PTPRS: variants seen among roughly 807,000 people sequenced by gnomAD.
The protein encoded by PTPRS is receptor-type tyrosine-protein phosphatase S.
In PTPRS, 63 loss-of-function variants were observed where a neutral mutation model predicts 215.3. The ratio of observed to expected loss-of-function variants is 0.29; its 90% CI spans 0.24 to 0.36. The LOEUF (loss-of-function observed/expected upper bound fraction) is 0.36. PTPRS is among the 10% of genes least tolerant of loss of function. PTPRS has a pLI of 1.00. For synonymous variants in PTPRS, 1,404 were observed against 1,191.4 expected (o/e 1.18, Z -3.68); for missense variants, 2,258 against 2,825.8 (o/e 0.80, Z 4.56).
At chr19:5,239,222 G>A (rs1287393963) in intron 12 of PTPRS, among the ~76,000 whole-genome samples, 159 bp from the exon 13 acceptor site, 1 of 151,490 alleles carries the variant, frequency 6.6e-6, no homozygotes, top group Non-Finnish European at 1.5e-5. Context: ...GGCAGAGAGG[G>A]ACAGAGAGGG....
chr19:5,219,968 C>T lies in PTPRS; in HGVS notation c.3736G>A (p.Val1246Met). 1.2e-6 allele frequency: 2 copies of T among 1,613,896 alleles called. No individual in the cohort carries two copies. Among genetic ancestry groups the T allele is most frequent in the South Asian group, 1.1e-5 (1 of 91,084 alleles). ...TCGCTCTTCTGAAGCACGGCAAGCA[C>T]GAAGAGGACATAGCGGTGGCCGGGC... ...LEPGHRYVLF[V>M]LAVLQKSEPT... The change falls in exon 22 of 38, where the codon GTG becomes ATG. Residue 1246 changes from valine to methionine, a missense_variant. Coordinates refer to ENST00000262963, the MANE Select transcript of PTPRS (RefSeq NM_002850.4).
At chr19:5,260,463 A>T (rs1349353653) in intron 7 of PTPRS, among the ~76,000 whole-genome samples, 2 of 152,110 alleles carry the variant, frequency 1.3e-5, no homozygotes, top group African/African-American at 4.8e-5. Flanking sequence ...TACAGGCGTG[A>T]ACCACCGCGC....
At chr19:5,288,539 C>G (rs1049520399) in intron 1 of PTPRS, among the ~76,000 whole-genome samples, 2 of 152,218 alleles carry the variant, frequency 1.3e-5, no homozygotes, top group African/African-American at 4.8e-5. Flanking sequence ...GAGAAAACAG[C>G]CTGTGGCCAG....
intron 4 of PTPRS, among the ~76,000 whole-genome samples, chr19:5,270,393 C>T (rs1056774350): frequency 6.6e-6 from 1 of 150,484 alleles, no homozygotes; most frequent in African/African-American, 2.4e-5. Flanking sequence ...GAGGCTCAGG[C>T]GATCCTCCTG....
At position 5,237,864 on chromosome 19, in the gene PTPRS, G is replaced by A. The variant is rs2043610482; in HGVS notation, c.1849+1055C>T. On this transcript the variant is annotated intron_variant, in intron 13 of 37. Coordinates refer to ENST00000262963, the MANE Select transcript of PTPRS (RefSeq NM_002850.4). This position sits in a 1 kb window ranked among gnomAD's most constrained non-coding sequence, Gnocchi z 4.2. ...GAAGGGGGCCGGCGGGGGCAGGGGG[G>A]TTGTGTCTCCGAGGCGCCCCACCCC... Among the ~76,000 whole-genome samples the A allele has an allele frequency of 6.6e-6, 1 of 152,040 alleles. No individual in the cohort carries two copies. Among genetic ancestry groups the A allele is most frequent in the Non-Finnish European group, 1.5e-5 (1 of 68,004 alleles).
At chr19:5,334,525 C>A (rs1281503252) in intron 1 of PTPRS, among the ~76,000 whole-genome samples, 2 of 152,216 alleles carry the variant, frequency 1.3e-5, no homozygotes, top group Non-Finnish European at 2.9e-5. Flanking sequence ...ACACAGCCAA[C>A]AAGTCGGCAG....
chr19:5,307,771 C>T (rs192353324), intron 1 of PTPRS, among the ~76,000 whole-genome samples: 4 of 152,340 alleles, frequency 2.6e-5, no homozygotes, highest in Admixed American at 1.3e-4. Flanking sequence ...CGGCTCAGGG[C>T]GACTGTACCA....
Position 5,244,040 on chromosome 19 carries a change from C to T in PTPRS, c.1431G>A (p.Lys477=). 6.2e-7 allele frequency: 1 copy of T among 1,610,018 alleles called. No homozygotes were observed. Among genetic ancestry groups the T allele is most frequent in the Non-Finnish European group, 8.5e-7 (1 of 1,179,932 alleles). Reference sequence around the variant, plus strand: ...TCAGCAGGCTGTCGTCCACGTTGTGCTTCTGCCAGTTGCCCACGGGGTGCT... The same window carrying T: ...TCAGCAGGCTGTCGTCCACGTTGTGTTTCTGCCAGTTGCCCACGGGGTGCT... ...EPEHPVGNWQ[K]HNVDDSLLTT... Residue 477 remains lysine, a synonymous_variant, in exon 11 of 38, where the codon AAG becomes AAA. Transcript: ENST00000262963. This position sits in a 1 kb window ranked among gnomAD's most constrained non-coding sequence, Gnocchi z 7.2.
intron 13 of PTPRS, among the ~76,000 whole-genome samples, chr19:5,235,131 G>C (rs748439874): frequency 1.3e-5 from 2 of 151,872 alleles, no homozygotes; most frequent in African/African-American, 2.4e-5. Context: ...TAGGGGAGAC[G>C]GATTTTCACC....
chr19:5,232,910 C>T (rs549798829), intron 13 of PTPRS, among the ~76,000 whole-genome samples: 21 of 149,306 alleles, frequency 1.4e-4, no homozygotes, highest in African/African-American at 4.0e-4. Context: ...AAGGGCTTCA[C>T]AAAATAACAG....
In PTPRS at chr19:5,339,607, C is replaced by T. The variant is rs375256724; in HGVS notation, c.-95+1057G>A. Among the ~76,000 whole-genome samples, 18 of 152,066 alleles carry T rather than the reference C, an allele frequency of 1.2e-4. No individual in the cohort carries two copies. The East Asian group carries it at 1.8e-3, about 15-fold the overall frequency. The stretch of plus-strand genomic sequence containing the variant: ...AGGATCTTAATTTTAGGAGAGATTC[C>T]CATAAAGAGAGGTGAACTTGGCCGC... On this transcript the variant is annotated intron_variant, in intron 1 of 37. Transcript: ENST00000262963. This position sits in a 1 kb window ranked among gnomAD's most constrained non-coding sequence, Gnocchi z 4.2.
intron 7 of PTPRS, among the ~76,000 whole-genome samples, chr19:5,260,563 G>A (rs932646414): frequency 6.6e-5 from 10 of 152,346 alleles, no homozygotes; most frequent in East Asian, 3.9e-4. Context: ...TTCCCAGAGG[G>A]GGAGAGAGCG....
chr19:5,302,536 T>C (rs912927021), intron 1 of PTPRS, among the ~76,000 whole-genome samples: 2 of 152,206 alleles, frequency 1.3e-5, no homozygotes, highest in African/African-American at 4.8e-5. Context: ...TATCCCATGG[T>C]CGCTGGATAC....
intron 23 of PTPRS, 90 bp downstream of exon 23, chr19:5,219,220 T>C (rs1010394290): frequency 6.6e-7 from 1 of 1,525,314 alleles, no homozygotes; most frequent in African/African-American, 1.4e-5. Flanking sequence ...ACAGAGACCT[T>C]TAGTGATGAT....
intron 2 of PTPRS, among the ~76,000 whole-genome samples, chr19:5,275,812 C>CA (rs2047314600): frequency 6.6e-6 from 1 of 151,710 alleles, no homozygotes; most frequent in South Asian, 2.1e-4. Context: ...TCTCAAAAAA[C>CA]AAAAACAAAA....
chr19:5,258,195 C>T lies in PTPRS; in HGVS notation c.596-68G>A, dbSNP rs745850856. 4.6e-6 allele frequency: 6 copies of T among 1,317,608 alleles called. No individual in the cohort carries two copies. The African/African-American group carries it at 8.7e-5, about 19-fold the overall frequency. The allele number at this position is 1,317,608 out of a possible 1,614,324, so 81.6% of individuals were successfully genotyped here. A position where few individuals can be genotyped will look rare whatever the true frequency, so the allele number is the denominator to read the frequency against. ...CCAGGAGTGAACAGGGAAAGCTCCC[C>T]CACCAGAGTGCTCTCTGGCCTGTCT... On this transcript the variant is annotated intron_variant, in intron 7 of 37. Coordinates refer to ENST00000262963, the MANE Select transcript of PTPRS (RefSeq NM_002850.4).
Position 5,206,435 on chromosome 19 carries a change from A to G in PTPRS, c.*339T>C, listed in dbSNP as rs1367638040. On this transcript the variant is annotated 3_prime_UTR_variant, in exon 38 of 38. Coordinates refer to ENST00000262963, the MANE Select transcript of PTPRS (RefSeq NM_002850.4). ...CTGGGGGAGGACGAGGGGTCCGTCT[A>G]TGGTCTGTGCCCCACCCTCCTCTGG... 12 of 336,562 alleles carry G rather than the reference A, an allele frequency of 3.6e-5. No individual in the cohort carries two copies. The highest frequency in any genetic ancestry group is 1.4e-4 in the Admixed American group (3 of 21,470). The allele number at this position is 336,562 out of a possible 1,614,324, so 20.8% of individuals were successfully genotyped here. A position where few individuals can be genotyped will look rare whatever the true frequency, so the allele number is the denominator to read the frequency against.
At chr19:5,214,504 G>A in intron 29 of PTPRS, 24 bp from the exon 30 acceptor site, 1 of 1,613,766 alleles carries the variant, frequency 6.2e-7, no homozygotes, top group Non-Finnish European at 8.5e-7. Context: ...GAGAACAGGT[G>A]TCAGCAGGGA....
chr19:5,254,603 G>A (rs189201838), intron 9 of PTPRS, among the ~76,000 whole-genome samples: 1 of 152,242 alleles, frequency 6.6e-6, no homozygotes, highest in East Asian at 1.9e-4. Context: ...GAGAGAGCAG[G>A]GGAGAGGCTG....
Sources: allele counts gnomAD v4.1 joint callset (sites outside exome capture counted in the v4.1 genomes callset), GRCh38; gene constraint gnomAD v4.1.1; non-coding constraint Gnocchi (gnomAD v3.1); transcripts MANE v1.5; gene names NCBI Gene and HGNC (gene_info 2026-07-23, HGNC 2026-07-21).